The following PDLIM5 variants were observed in gnomAD, a reference collection of about 807,000 sequenced individuals.
PDLIM5 encodes the protein PDZ and LIM domain 5, also known as PDZ and LIM domain protein 5.
In PDLIM5, 34 loss-of-function variants were observed where a neutral mutation model predicts 64.2. The ratio of observed to expected loss-of-function variants is 0.53; its 90% CI spans 0.40 to 0.71. The LOEUF (loss-of-function observed/expected upper bound fraction) is 0.71, where lower values mean the gene tolerates loss of function less well. Among genes scored for constraint, PDLIM5 ranks in the 30% least tolerant of loss-of-function variants. PDLIM5 has a pLI of 0.00. For missense variants in PDLIM5, 683 were observed against 733.6 expected (o/e 0.93, Z 0.80); for synonymous variants, 253 against 269.1 (o/e 0.94, Z 0.59).
chr4:94,557,603 G>C (rs1025467737), intron 3 of PDLIM5, among the ~76,000 whole-genome samples: 8 of 151,432 alleles, frequency 5.3e-5, no homozygotes, highest in Admixed American at 1.3e-4. Flanking sequence ...TTGTAGTTCT[G>C]CTTGAAGAGG....
chr4:94,495,737 G>A (rs139960787), intron 2 of PDLIM5, among the ~76,000 whole-genome samples: 5 of 152,268 alleles, frequency 3.3e-5, no homozygotes, highest in African/African-American at 1.2e-4. Flanking sequence ...CTTTCCAGGG[G>A]GGTACACACC....
Position 94,509,419 on chromosome 4 carries a change from A to G in PDLIM5, c.97-14305A>G, listed in dbSNP as rs1410135246. On this transcript the variant is annotated intron_variant, in intron 2 of 12. Transcript: ENST00000317968. Reference sequence around the variant, plus strand: ...ATTTGTTGATTTTCTCTTTCCCCCTACTGAATTTAAGTTGCATGAATGCAA... The same window carrying G: ...ATTTGTTGATTTTCTCTTTCCCCCTGCTGAATTTAAGTTGCATGAATGCAA... Among the ~76,000 whole-genome samples, 4 of 151,884 alleles carry G rather than the reference A, an allele frequency of 2.6e-5. No individual in the cohort carries two copies. In the East Asian group the frequency reaches 7.7e-4, roughly 29 times the overall value.
At chr4:94,525,286 G>T (rs1730245297) in intron 3 of PDLIM5, among the ~76,000 whole-genome samples, 1 of 152,084 alleles carries the variant, frequency 6.6e-6, no homozygotes. Flanking sequence ...GGGTGTGGTG[G>T]TGCATGCCTG....
intron 2 of PDLIM5, among the ~76,000 whole-genome samples, chr4:94,491,432 G>A (rs1395864500): frequency 6.6e-6 from 1 of 152,046 alleles, no homozygotes; most frequent in East Asian, 1.9e-4. Flanking sequence ...TTTTTGGACT[G>A]AGAACAAATT....
chr4:94,513,702 A>G (rs983913269), intron 2 of PDLIM5, among the ~76,000 whole-genome samples: 38 of 152,162 alleles, frequency 2.5e-4, no homozygotes, highest in African/African-American at 8.9e-4. Flanking sequence ...CCAGTTTGGA[A>G]CGTTGTATCT....
intron 7 of PDLIM5, among the ~76,000 whole-genome samples, chr4:94,595,844 A>C (rs184212800): frequency 1.1e-4 from 17 of 152,326 alleles, no homozygotes; most frequent in African/African-American, 3.6e-4. Context: ...ATATTTGCAC[A>C]TATTTTCATG....
At chr4:94,495,733 A>G (rs1040898936) in intron 2 of PDLIM5, among the ~76,000 whole-genome samples, 2 of 152,140 alleles carry the variant, frequency 1.3e-5, no homozygotes, top group Admixed American at 6.6e-5. Flanking sequence ...CATGCTTTCC[A>G]GGGGGGTACA....
intron 3 of PDLIM5, among the ~76,000 whole-genome samples, chr4:94,559,082 C>T (rs930136786): frequency 2.0e-5 from 3 of 151,912 alleles, no homozygotes; most frequent in Non-Finnish European, 2.9e-5. Context: ...AGTTTCACAT[C>T]GACCAACTTA....
intron 3 of PDLIM5, among the ~76,000 whole-genome samples, chr4:94,553,684 G>T (rs1263590194): frequency 6.6e-6 from 1 of 152,084 alleles, no homozygotes; most frequent in Non-Finnish European, 1.5e-5. Flanking sequence ...TCACTGTGTG[G>T]ATTACCTTAG....
intron 5 of PDLIM5, chr4:94,585,031 T>G (rs756087544): frequency 1.7e-6 from 2 of 1,185,242 alleles, no homozygotes; most frequent in South Asian, 2.7e-5. Context: ...TACATTCTAA[T>G]AGCATTATTT....
At chr4:94,561,475 C>T (rs1057030781) in intron 3 of PDLIM5, among the ~76,000 whole-genome samples, 6 of 152,164 alleles carry the variant, frequency 3.9e-5, no homozygotes, top group African/African-American at 1.2e-4. Context: ...TCAGTAACTT[C>T]GATGCTAGAG....
At chr4:94,513,670 G>A (rs546012232) in intron 2 of PDLIM5, among the ~76,000 whole-genome samples, 14 of 152,224 alleles carry the variant, frequency 9.2e-5, no homozygotes, top group South Asian at 4.2e-4. Flanking sequence ...CTGCAAATAA[G>A]GATAATTTGA....
chr4:94,567,107 T>C (rs373766022), intron 3 of PDLIM5, among the ~76,000 whole-genome samples: 93 of 152,298 alleles, frequency 6.1e-4, no homozygotes, highest in Non-Finnish European at 1.0e-3. Context: ...GTTCTCCTGC[T>C]TCAGCCTCCC....
intron 2 of PDLIM5, among the ~76,000 whole-genome samples, chr4:94,499,611 T>G (rs1268302381): frequency 1.3e-5 from 2 of 152,072 alleles, no homozygotes; most frequent in Non-Finnish European, 2.9e-5. Flanking sequence ...TGCGTGTAGG[T>G]TATATACAAA....
chr4:94,608,117 C>T (rs1350393282), intron 7 of PDLIM5: 4 of 1,530,310 alleles, frequency 2.6e-6, no homozygotes, highest in South Asian at 1.2e-5. Context: ...TGCAACTCCT[C>T]AGGTGTTAAC....
At chr4:94,472,297 G>A (rs904239720) in intron 2 of PDLIM5, among the ~76,000 whole-genome samples, 4 of 152,064 alleles carry the variant, frequency 2.6e-5, no homozygotes, top group African/African-American at 9.7e-5. Flanking sequence ...TCATGGTCTG[G>A]CATAAACTCT....
rs529670102 is a variant in PDLIM5, at chr4:94,541,737, G to A, written c.248+17862G>A. Among the ~76,000 whole-genome samples the A allele has an allele frequency of 2.9e-3, 439 of 152,338 alleles. 1 individual carries two copies. The highest frequency in any genetic ancestry group is 4.7e-3 in the Non-Finnish European group (319 of 68,036). ...CCATATACATCTTCTCTGCCCAGCT[G>A]GAGGGGGCTGATGGAGGACACAGCT... On this transcript the variant is annotated intron_variant, in intron 3 of 12. Transcript: ENST00000317968.
chr4:94,586,981 T>C, intron 7 of PDLIM5: 1 of 1,552,072 alleles, frequency 6.4e-7, no homozygotes, highest in Non-Finnish European at 8.7e-7. Context: ...TTTTTTGTAT[T>C]TCCACAGGGA....
At chr4:94,535,052 A>G (rs1288523198) in intron 3 of PDLIM5, among the ~76,000 whole-genome samples, 3 of 152,232 alleles carry the variant, frequency 2.0e-5, no homozygotes, top group African/African-American at 7.2e-5. Flanking sequence ...TTTATCAGAA[A>G]AGTGACATTT....
Sources: allele counts gnomAD v4.1 joint callset (sites outside exome capture counted in the v4.1 genomes callset), GRCh38; gene constraint gnomAD v4.1.1; transcripts MANE v1.5; gene names NCBI Gene and HGNC (gene_info 2026-07-23, HGNC 2026-07-21).